Variants in CDH13 observed in about 807,000 individuals in gnomAD.
CDH13 encodes the protein cadherin 13.
Under a neutral mutation model 63.8 loss-of-function variants are expected in CDH13, and 24 were observed. The ratio of observed to expected loss-of-function variants is 0.38; its 90% CI spans 0.27 to 0.53. The LOEUF is 0.53. CDH13 is among the 20% of genes least tolerant of loss of function. The pLI is 0.85. For missense variants in CDH13, 1,049 were observed against 903.1 expected (o/e 1.16, Z -2.07); for synonymous variants, 503 against 355.3 (o/e 1.42, Z -4.67).
chr16:83,509,960 C>T (rs1224854644), intron 7 of CDH13, among the ~76,000 whole-genome samples: 1 of 152,154 alleles, frequency 6.6e-6, no homozygotes, highest in Non-Finnish European at 1.5e-5. Context: ...GGATTGGGAG[C>T]ATGGTATTGT....
At chr16:82,663,076 C>A (rs1024241451) in intron 1 of CDH13, among the ~76,000 whole-genome samples, 1 of 152,336 alleles carries the variant, frequency 6.6e-6, no homozygotes, top group African/African-American at 2.4e-5. Context: ...CTCCCCCTGC[C>A]AGGGCAAGAA....
intron 2 of CDH13, among the ~76,000 whole-genome samples, chr16:82,929,524 C>T (rs534518547): frequency 4.2e-4 from 64 of 151,190 alleles, no homozygotes; most frequent in African/African-American, 1.2e-3. Flanking sequence ...TGGTAGTGGG[C>T]GCCTGTAGTC....
chr16:82,838,162 C>A (rs1019297454), intron 1 of CDH13, among the ~76,000 whole-genome samples: 5 of 152,206 alleles, frequency 3.3e-5, no homozygotes, highest in African/African-American at 1.2e-4. Context: ...AAGTCCTCAC[C>A]CTTTTCATTG....
intron 7 of CDH13, among the ~76,000 whole-genome samples, chr16:83,595,573 G>A (rs1464189380): frequency 6.6e-6 from 1 of 152,192 alleles, no homozygotes; most frequent in African/African-American, 2.4e-5. Flanking sequence ...TCTAAAGCAG[G>A]TCACCAAAGG....
At chr16:83,076,825 A>T (rs938522991) in intron 3 of CDH13, among the ~76,000 whole-genome samples, 1 of 152,130 alleles carries the variant, frequency 6.6e-6, no homozygotes, top group Non-Finnish European at 1.5e-5. Context: ...GAAACCCACA[A>T]AGCTTATGCG....
At position 82,970,600 on chromosome 16, in the gene CDH13, C is replaced by G. The variant is rs796206844; in HGVS notation, c.158-61410C>G. Among the ~76,000 whole-genome samples, 112 of 149,932 alleles carry G rather than the reference C, an allele frequency of 7.5e-4. 6 individuals are homozygous for G. Among genetic ancestry groups the G allele is most frequent in the African/African-American group, 2.5e-3 (102 of 41,150 alleles). ...ATTTTTAGTAGAGACGGGGTTTCACCTTGTTAGCCAGGATGGTCTCAATCT... is the reference window on the plus strand; with the variant it reads ...ATTTTTAGTAGAGACGGGGTTTCACGTTGTTAGCCAGGATGGTCTCAATCT... On this transcript the variant is annotated intron_variant, in intron 2 of 13. Coordinates refer to ENST00000567109, the MANE Select transcript of CDH13 (RefSeq NM_001257.5).
chr16:83,242,799 G>T (rs1011256943), intron 5 of CDH13, among the ~76,000 whole-genome samples: 13 of 152,310 alleles, frequency 8.5e-5, no homozygotes, highest in African/African-American at 2.9e-4. Context: ...ATGACTGTCA[G>T]TTGGCAATGT....
At chr16:83,109,940 G>T (rs114561349) in intron 3 of CDH13, among the ~76,000 whole-genome samples, 2 of 152,132 alleles carry the variant, frequency 1.3e-5, no homozygotes, top group Non-Finnish European at 2.9e-5. Flanking sequence ...TGCTAGATTC[G>T]TGAAATATTT....
chr16:82,649,031 A>T (rs1910428009), intron 1 of CDH13, among the ~76,000 whole-genome samples: 1 of 152,176 alleles, frequency 6.6e-6, no homozygotes, highest in Non-Finnish European at 1.5e-5. Flanking sequence ...TGATTCCAAC[A>T]TTTTAAAGCA....
At chr16:83,726,994 C>T (rs929904886) in intron 10 of CDH13, among the ~76,000 whole-genome samples, 1 of 152,162 alleles carries the variant, frequency 6.6e-6, no homozygotes, top group Non-Finnish European at 1.5e-5. Context: ...AGTTATCTTT[C>T]CCATGTATAA....
intron 5 of CDH13, among the ~76,000 whole-genome samples, chr16:83,262,655 C>T (rs1020486196): frequency 6.6e-6 from 1 of 152,092 alleles, no homozygotes; most frequent in African/African-American, 2.4e-5. Flanking sequence ...GCAGGAAAAA[C>T]ATATAAAGAA....
chr16:83,579,813 A>T (rs944849682), intron 7 of CDH13, among the ~76,000 whole-genome samples: 1 of 151,906 alleles, frequency 6.6e-6, no homozygotes, highest in Non-Finnish European at 1.5e-5. Context: ...AAATGTAGGC[A>T]TGGGTATAAC....
At chr16:83,561,472 C>G (rs1247551890) in intron 7 of CDH13, among the ~76,000 whole-genome samples, 4 of 148,534 alleles carry the variant, frequency 2.7e-5, no homozygotes. Context: ...GCTATGCTAT[C>G]AAAGTATATT....
intron 11 of CDH13, among the ~76,000 whole-genome samples, chr16:83,769,414 A>G (rs764187552): frequency 6.6e-6 from 1 of 152,200 alleles, no homozygotes; most frequent in African/African-American, 2.4e-5. Flanking sequence ...GCAGAGTCCA[A>G]TTAACAAGAT....
chr16:82,658,485 C>G (rs985928447), intron 1 of CDH13, among the ~76,000 whole-genome samples: 3 of 152,190 alleles, frequency 2.0e-5, no homozygotes, highest in African/African-American at 7.2e-5. Flanking sequence ...ATACCTGTCT[C>G]AAGAGAGAAA....
chr16:82,655,757 C>T (rs1312748022), intron 1 of CDH13, among the ~76,000 whole-genome samples: 1 of 152,180 alleles, frequency 6.6e-6, no homozygotes, highest in Non-Finnish European at 1.5e-5. Context: ...TCACAACCAC[C>T]AAATGAAATA....
chr16:82,904,276 G>A (rs918976204), intron 2 of CDH13, among the ~76,000 whole-genome samples: 2 of 152,230 alleles, frequency 1.3e-5, no homozygotes. Flanking sequence ...TGCACAGAAC[G>A]GAAATGTTTT....
chr16:83,114,990 C>T (rs375285309), intron 3 of CDH13, among the ~76,000 whole-genome samples: 1 of 152,172 alleles, frequency 6.6e-6, no homozygotes, highest in Admixed American at 6.5e-5. Flanking sequence ...AAGCTGTCCC[C>T]CTGCAGTATA....
intron 6 of CDH13, among the ~76,000 whole-genome samples, chr16:83,427,233 G>T: frequency 6.6e-6 from 1 of 151,998 alleles, no homozygotes; most frequent in East Asian, 1.9e-4. Flanking sequence ...TTCTTACATG[G>T]TCAAAGAAAC....
Sources: gnomAD v4.1 joint callset for allele counts (sites outside exome capture counted in the v4.1 genomes callset) on GRCh38, gnomAD v4.1.1 for gene constraint, MANE v1.5 for transcripts, NCBI Gene and HGNC (gene_info 2026-07-23, HGNC 2026-07-21) for gene names.